NRXN3: variants seen among roughly 807,000 people sequenced by gnomAD.
NRXN3 encodes the protein neurexin III.
Under a neutral mutation model 137.6 loss-of-function variants are expected in NRXN3, and 32 were observed. The ratio of observed to expected loss-of-function variants is 0.23; its 90% CI spans 0.18 to 0.31. The LOEUF (loss-of-function observed/expected upper bound fraction) is 0.31. Among genes scored for constraint, NRXN3 ranks in the 10% least tolerant of loss-of-function variants. NRXN3 has a pLI of 1.00. For synonymous variants in NRXN3, 798 were observed against 784.5 expected (o/e 1.02, Z -0.29); for missense variants, 1,574 against 2,062.5 (o/e 0.76, Z 4.59).
In NRXN3 at chr14:78,282,631, C is replaced by T. The variant is rs531597299; in HGVS notation, c.727+3969C>T. The stretch of plus-strand genomic sequence containing the variant: ...GTCTGCTGGGCCCCCAGGAGGCCTC[C>T]GTCTGCTGTTGCCAAAGGAACAGAT... On this transcript the variant is annotated intron_variant, in intron 3 of 20. Transcript: ENST00000335750. The T allele has an allele frequency of 7.5e-4, 122 of 162,140 alleles. 2 individuals are homozygous for T. Among genetic ancestry groups the T allele is most frequent in the Admixed American group, 2.3e-3 (41 of 17,626 alleles). 10.0% of individuals were successfully genotyped at this position (162,140 alleles called of 1,614,324 possible).
chr14:79,649,522 A>C (rs1000433637), intron 16 of NRXN3, among the ~76,000 whole-genome samples: 1 of 152,056 alleles, frequency 6.6e-6, no homozygotes, highest in African/African-American at 2.4e-5. Flanking sequence ...TTTGGGTAAG[A>C]GAGAAGATAT....
chr14:78,259,210 C>T (rs1380984284), intron 2 of NRXN3, among the ~76,000 whole-genome samples: 1 of 151,970 alleles, frequency 6.6e-6, no homozygotes, highest in Non-Finnish European at 1.5e-5. Flanking sequence ...GATGACGAAC[C>T]TGAGGGTTTT....
chr14:79,627,553 G>A (rs533337645), intron 16 of NRXN3, among the ~76,000 whole-genome samples: 9 of 152,150 alleles, frequency 5.9e-5, no homozygotes, highest in East Asian at 5.8e-4. Context: ...ATACATTTCC[G>A]AATTTGTGTT....
At chr14:78,835,928 T>C (rs1327222696) in intron 10 of NRXN3, among the ~76,000 whole-genome samples, 1 of 152,158 alleles carries the variant, frequency 6.6e-6, no homozygotes, top group African/African-American at 2.4e-5. Flanking sequence ...CAGGCTTTTG[T>C]AATCAAGACT....
intron 13 of NRXN3, among the ~76,000 whole-genome samples, 178 bp downstream of exon 13, chr14:78,967,576 T>C (rs1360732829): frequency 6.6e-6 from 1 of 152,274 alleles, no homozygotes; most frequent in East Asian, 1.9e-4. Context: ...CTTAGACTAC[T>C]CATCAAGAAA....
chr14:78,468,368 G>C (rs1359331362), intron 4 of NRXN3, among the ~76,000 whole-genome samples: 1 of 152,184 alleles, frequency 6.6e-6, no homozygotes, highest in South Asian at 2.1e-4. Context: ...TGTTGGCTTT[G>C]CTGATGTGGC....
intron 16 of NRXN3, among the ~76,000 whole-genome samples, chr14:79,523,310 A>G (rs929934616): frequency 1.3e-5 from 2 of 152,204 alleles, no homozygotes; most frequent in Non-Finnish European, 2.9e-5. Flanking sequence ...CTTCTTTCTC[A>G]TGATGAGAGC....
chr14:78,322,075 A>G (rs1309951362), intron 4 of NRXN3, among the ~76,000 whole-genome samples: 1 of 151,924 alleles, frequency 6.6e-6, no homozygotes, highest in Non-Finnish European at 1.5e-5. Context: ...CTCAATCTGC[A>G]TACCAGCCCT....
In NRXN3 at chr14:78,830,968, G is replaced by T. The variant is rs145046766; in HGVS notation, c.2275+20624G>T. Among the ~76,000 whole-genome samples, 502 of 152,122 alleles carry T rather than the reference G, an allele frequency of 3.3e-3. 4 individuals are homozygous for T. Among genetic ancestry groups the T allele is most frequent in the African/African-American group, 0.012 (479 of 41,492 alleles). Reference sequence around the variant, plus strand: ...TTTAAAATATTTCACATATTCTTACGATCAGAAATTACACATTGAAGAATA... The same window carrying T: ...TTTAAAATATTTCACATATTCTTACTATCAGAAATTACACATTGAAGAATA... On this transcript the variant is annotated intron_variant, in intron 10 of 20. Coordinates refer to ENST00000335750, the MANE Select transcript of NRXN3 (RefSeq NM_001330195.2).
At chr14:78,214,340 G>A (rs533886605) in intron 1 of NRXN3, among the ~76,000 whole-genome samples, 1 of 152,198 alleles carries the variant, frequency 6.6e-6, no homozygotes, top group Non-Finnish European at 1.5e-5. Flanking sequence ...GGGAGGGCTG[G>A]AGTCCCCTCC....
chr14:79,204,150 A>T (rs2066458548), intron 15 of NRXN3, among the ~76,000 whole-genome samples: 1 of 152,070 alleles, frequency 6.6e-6, no homozygotes, highest in Non-Finnish European at 1.5e-5. Flanking sequence ...GAGTAAAAAG[A>T]TACAAAGAAA....
chr14:78,661,587 A>G (rs1327194361), intron 6 of NRXN3, among the ~76,000 whole-genome samples: 3 of 152,210 alleles, frequency 2.0e-5, no homozygotes, highest in Non-Finnish European at 2.9e-5. Context: ...GAAATTGTGC[A>G]TCTGTGTTAT....
intron 15 of NRXN3, among the ~76,000 whole-genome samples, chr14:79,147,120 G>A (rs968152357): frequency 7.2e-5 from 11 of 152,088 alleles, no homozygotes; most frequent in Non-Finnish European, 1.5e-5. Flanking sequence ...GAGAAAAGAA[G>A]GAGATCACTG....
At chr14:78,974,938 G>A (rs910077201) in intron 14 of NRXN3, among the ~76,000 whole-genome samples, 1 of 152,204 alleles carries the variant, frequency 6.6e-6, no homozygotes, top group Non-Finnish European at 1.5e-5. Flanking sequence ...GGTGTAAGAA[G>A]TGACGTAATG....
At chr14:79,849,044 C>T (rs1202809894) in intron 20 of NRXN3, among the ~76,000 whole-genome samples, 1 of 152,170 alleles carries the variant, frequency 6.6e-6, no homozygotes. Context: ...CCTGTCCCAA[C>T]TCTCTTCCCC....
intron 4 of NRXN3, among the ~76,000 whole-genome samples, chr14:78,627,104 T>TCTCTCTCTC (rs2097468839): frequency 8.3e-6 from 1 of 120,986 alleles, no homozygotes; most frequent in African/African-American, 3.1e-5. Context: ...CCTCCCTCCC[T>TCTCTCTCTC]TCTCTCTCTC....
chr14:78,757,676 C>T (rs932327105), intron 8 of NRXN3, among the ~76,000 whole-genome samples: 8 of 152,020 alleles, frequency 5.3e-5, no homozygotes, highest in Non-Finnish European at 7.4e-5. Context: ...TATCCTGGGT[C>T]GGCTCCTGAA....
At chr14:79,253,655 G>A (rs944382803) in intron 15 of NRXN3, among the ~76,000 whole-genome samples, 2 of 152,216 alleles carry the variant, frequency 1.3e-5, no homozygotes, top group Non-Finnish European at 2.9e-5. Flanking sequence ...GGAAGGTGAA[G>A]GAGAAGCAAG....
chr14:79,740,234 G>C (rs1247765482), intron 19 of NRXN3, among the ~76,000 whole-genome samples: 1 of 151,772 alleles, frequency 6.6e-6, no homozygotes, highest in Non-Finnish European at 1.5e-5. Flanking sequence ...TCCTACTTTG[G>C]GCACTAATCT....
Sources: gnomAD v4.1 joint callset for allele counts (sites outside exome capture counted in the v4.1 genomes callset) on GRCh38, gnomAD v4.1.1 for gene constraint, MANE v1.5 for transcripts, NCBI Gene and HGNC (gene_info 2026-07-23, HGNC 2026-07-21) for gene names.